ZMYND8: variants seen among roughly 807,000 people sequenced by gnomAD.
ZMYND8 encodes MYND-type zinc finger-containing chromatin reader ZMYND8.
ZMYND8 carries 37 observed loss-of-function variants against 140.8 expected under a neutral mutation model. The observed-to-expected ratio is 0.26, with a 90% CI of 0.20 to 0.35. ZMYND8 has a LOEUF of 0.35. ZMYND8 is among the 10% of genes least tolerant of loss of function. The pLI, the probability that ZMYND8 is intolerant of heterozygous loss-of-function variation, is 1.00. For synonymous variants in ZMYND8, 592 were observed against 597.1 expected, an observed-to-expected ratio of 0.99 and a Z score of 0.12; for missense variants, 1,068 against 1,570.0, an observed-to-expected ratio of 0.68 and a Z score of 5.40.
chr20:47,212,815 G>GTAGCCTGTTGAT, intron 21 of ZMYND8, 90 bp from the exon 22 acceptor site: 10 of 1,214,900 alleles, frequency 8.2e-6, no homozygotes, highest in Non-Finnish European at 1.2e-5. Context: ...TTCATCAACA[G>GTAGCCTGTTGAT]GCTACTGTTA....
At chr20:47,303,087 C>A (rs2078193933) in intron 3 of ZMYND8, among the ~76,000 whole-genome samples, 1 of 152,066 alleles carries the variant, frequency 6.6e-6, no homozygotes, top group African/African-American at 2.4e-5. Context: ...CAAAACTGTC[C>A]CTAGCTGAGA....
chr20:47,287,115 A>G, intron 8 of ZMYND8, 114 bp downstream of exon 8: 2 of 929,700 alleles, frequency 2.2e-6, no homozygotes, highest in Middle Eastern at 4.4e-4. Context: ...TGTGGCCTCA[A>G]CAAATTCCAA....
intron 2 of ZMYND8, among the ~76,000 whole-genome samples, chr20:47,342,858 A>AAAAG (rs1439531087): frequency 6.6e-5 from 10 of 151,814 alleles, no homozygotes; most frequent in African/African-American, 2.2e-4. Context: ...AAAAAAAAAA[A>AAAAG]AAAAGAAAAG....
At chr20:47,293,289 T>C (rs2077423877) in intron 5 of ZMYND8, among the ~76,000 whole-genome samples, 1 of 152,014 alleles carries the variant, frequency 6.6e-6, no homozygotes, top group Admixed American at 6.6e-5. Flanking sequence ...AAAAATGTCA[T>C]AATATGCTTA....
intron 10 of ZMYND8, among the ~76,000 whole-genome samples, chr20:47,280,177 A>G (rs1413946178): frequency 6.6e-6 from 1 of 150,888 alleles, no homozygotes; most frequent in Admixed American, 6.6e-5. Context: ...CCCAAAGCCT[A>G]CTAAAACATC....
chr20:47,239,863 G>GCTA (rs1237134011), intron 14 of ZMYND8, among the ~76,000 whole-genome samples: 6 of 152,318 alleles, frequency 3.9e-5, no homozygotes, highest in Non-Finnish European at 7.3e-5. Context: ...TATACTGTGT[G>GCTA]CTACTGTTCT....
chr20:47,284,493 AAACT>A (rs2076803350), intron 8 of ZMYND8, among the ~76,000 whole-genome samples: 1 of 152,200 alleles, frequency 6.6e-6, no homozygotes, highest in Non-Finnish European at 1.5e-5. Context: ...CCAAGCTGAG[AAACT>A]AACAATGAAG....
intron 13 of ZMYND8, among the ~76,000 whole-genome samples, chr20:47,248,868 A>G (rs1181243752): frequency 6.6e-6 from 1 of 152,172 alleles, no homozygotes; most frequent in Non-Finnish European, 1.5e-5. Flanking sequence ...ACAGCTACAG[A>G]AGCAGGGTTT....
chr20:47,342,823 G>A (rs1400545704), intron 2 of ZMYND8, among the ~76,000 whole-genome samples: 1 of 146,086 alleles, frequency 6.8e-6, no homozygotes, highest in Non-Finnish European at 1.5e-5. Context: ...CTCCAGCCTC[G>A]GCAACAGAGC....
At chr20:47,289,683 T>C (rs1402895059) in intron 7 of ZMYND8, among the ~76,000 whole-genome samples, 1 of 151,744 alleles carries the variant, frequency 6.6e-6, no homozygotes, top group African/African-American at 2.4e-5. Context: ...CCTCAAAATA[T>C]TACACTGCAT....
chr20:47,351,726 C>T, intron 1 of ZMYND8: 8 of 985,400 alleles, frequency 8.1e-6, no homozygotes, highest in Non-Finnish European at 8.4e-6. Flanking sequence ...CAGGCAGAGT[C>T]ATCGGTAGCT....
intron 21 of ZMYND8, among the ~76,000 whole-genome samples, chr20:47,219,999 G>A (rs2036705902): frequency 6.6e-6 from 1 of 152,018 alleles, no homozygotes; most frequent in African/African-American, 2.4e-5. Context: ...GTCAGCAACA[G>A]AACCCTCTGT....
At chr20:47,250,188 C>G (rs960169049) in intron 12 of ZMYND8, among the ~76,000 whole-genome samples, 8 of 152,196 alleles carry the variant, frequency 5.3e-5, no homozygotes, top group African/African-American at 1.9e-4. Flanking sequence ...TGTCCCCTCA[C>G]TTCTTCGAGG....
At chr20:47,249,081 G>A (rs574950484) in intron 13 of ZMYND8, among the ~76,000 whole-genome samples, 1 of 152,236 alleles carries the variant, frequency 6.6e-6, no homozygotes, top group Admixed American at 6.5e-5. Flanking sequence ...AGAATAAACT[G>A]ATGAGTTCAA....
chr20:47,261,963 C>G (rs903046323), intron 12 of ZMYND8, among the ~76,000 whole-genome samples: 2 of 151,782 alleles, frequency 1.3e-5, no homozygotes, highest in East Asian at 3.9e-4. Flanking sequence ...CTTAGCTACT[C>G]GGGAGGCTGA....
rs906003852 is a variant in ZMYND8, at chr20:47,209,575, T to C, written c.*1186A>G. 1 of 152,298 alleles carries C rather than the reference T, an allele frequency of 6.6e-6. No homozygotes were observed. The highest frequency in any genetic ancestry group is 1.5e-5 in the Non-Finnish European group (1 of 68,040). The allele number at this position is 152,298 out of a possible 1,614,324, so 9.4% of individuals were successfully genotyped here. On this transcript the variant is annotated 3_prime_UTR_variant, in exon 23 of 23. Coordinates refer to ENST00000471951, the MANE Select transcript of ZMYND8 (RefSeq NM_001281775.3). ...TGGAAACTGTACAGTTCGCATCCTC[T>C]TAACAATGAAGAGAAAGTAAACAAG...
Position 47,287,355 on chromosome 20 carries a change from C to A in ZMYND8, c.749-71G>T. 3 of 1,286,604 alleles carry A rather than the reference C, an allele frequency of 2.3e-6. No homozygotes were observed. In the South Asian group the frequency reaches 3.6e-5, roughly 15 times the overall value. The allele number at this position is 1,286,604 out of a possible 1,614,324, so 79.7% of individuals were successfully genotyped here. On this transcript the variant is annotated intron_variant, in intron 7 of 22. Coordinates refer to ENST00000471951, the MANE Select transcript of ZMYND8 (RefSeq NM_001281775.3). ...ACACCGGGCCTGGGGACTTTACTTCCGCTAACAATGTGTTTACTTGCTTTT... is the reference window on the plus strand; with the variant it reads ...ACACCGGGCCTGGGGACTTTACTTCAGCTAACAATGTGTTTACTTGCTTTT...
intron 8 of ZMYND8, among the ~76,000 whole-genome samples, chr20:47,284,589 C>A (rs765285855): frequency 6.6e-6 from 1 of 152,114 alleles, no homozygotes; most frequent in Non-Finnish European, 1.5e-5. Flanking sequence ...GCAGCAGTTC[C>A]GCTCCCCAAC....
intron 9 of ZMYND8, among the ~76,000 whole-genome samples, chr20:47,282,487 A>G (rs2076665884): frequency 6.6e-6 from 1 of 152,082 alleles, no homozygotes; most frequent in African/African-American, 2.4e-5. Flanking sequence ...CACTTTGGAA[A>G]GCCAATGCGG....
Sources: gnomAD v4.1 joint callset for allele counts (sites outside exome capture counted in the v4.1 genomes callset) on GRCh38, gnomAD v4.1.1 for gene constraint, MANE v1.5 for transcripts, NCBI Gene and HGNC (gene_info 2026-07-23, HGNC 2026-07-21) for gene names.